Variants in GABRA2 observed in about 807,000 individuals in gnomAD.
GABRA2 encodes the protein gamma-aminobutyric acid type A receptor subunit alpha2, also known as gamma-aminobutyric acid receptor subunit alpha-2.
In GABRA2, 16 loss-of-function variants were observed where a neutral mutation model predicts 48.7. The observed-to-expected ratio is 0.33, with a 90% confidence interval of 0.22 to 0.50. The LOEUF is 0.50. GABRA2 is among the 20% of genes least tolerant of loss of function. The pLI is 0.98. For synonymous variants in GABRA2, 185 were observed against 184.5 expected (o/e 1.00, Z -0.02); for missense variants, 275 against 535.6 (o/e 0.51, Z 4.80).
At position 46,389,805 on chromosome 4, in the gene GABRA2, G is replaced by A. The variant is rs201510097; in HGVS notation, c.-81C>T. On this transcript the variant is annotated 5_prime_UTR_variant, in exon 1 of 10. Transcript: ENST00000381620. Reference sequence around the variant, plus strand: ...TCTTGACGAGATAGGAAACTTGGGAGAGAGAGAGAGAGAGAGAGAGAGAGA... The same window carrying A: ...TCTTGACGAGATAGGAAACTTGGGAAAGAGAGAGAGAGAGAGAGAGAGAGA... The A allele has an allele frequency of 4.5e-6, 1 of 220,830 alleles. No individual in the cohort carries two copies. The highest frequency in any genetic ancestry group is 1.3e-4 in the African/African-American group (1 of 7,618). 13.7% of individuals were successfully genotyped at this position (220,830 alleles called of 1,614,324 possible). A position where few individuals can be genotyped will look rare whatever the true frequency, so the allele number is the denominator to read the frequency against.
At chr4:46,270,783 A>G (rs1425435607) in intron 8 of GABRA2, among the ~76,000 whole-genome samples, 1 of 151,976 alleles carries the variant, frequency 6.6e-6, no homozygotes, top group African/African-American at 2.4e-5. Context: ...TTAACTCATA[A>G]TAGCTGAGCA....
At position 46,373,025 on chromosome 4, in the gene GABRA2, G is replaced by A. The variant is rs535913494; in HGVS notation, c.187+13049C>T. On this transcript the variant is annotated intron_variant, in intron 3 of 9. Coordinates refer to ENST00000381620, the MANE Select transcript of GABRA2 (RefSeq NM_000807.4). ...CTGTTCCAATGAAGTGGCAACACAG[G>A]CAGAAATTGCAGCTGCCCCCTGGAA... 2.6e-5 allele frequency among the ~76,000 whole-genome samples: 4 copies of A among 152,272 alleles called. No individual in the cohort carries two copies. The East Asian group carries it at 7.7e-4, about 29-fold the overall frequency.
chr4:46,249,439 T>C lies in GABRA2; in HGVS notation c.*869A>G, dbSNP rs1191718068. 6.6e-6 allele frequency: 1 copy of C among 151,408 alleles called. No homozygotes were observed. The highest frequency in any genetic ancestry group is 6.6e-5 in the Admixed American group (1 of 15,116). The allele number at this position is 151,408 out of a possible 1,614,324, so 9.4% of individuals were successfully genotyped here. ...TTTGGCACAATTTTCTAATCCAATA[T>C]GCATGTTGCTCCACAGCAACCAAAC... On this transcript the variant is annotated 3_prime_UTR_variant, in exon 10 of 10. Transcript: ENST00000381620.
At chr4:46,292,264 C>T (rs530736876) in intron 8 of GABRA2, among the ~76,000 whole-genome samples, 9 of 152,230 alleles carry the variant, frequency 5.9e-5, no homozygotes, top group South Asian at 4.1e-4. Context: ...GCCTCAAATC[C>T]GCTAAGATTG....
intron 8 of GABRA2, among the ~76,000 whole-genome samples, chr4:46,300,630 A>G (rs951547970): frequency 1.3e-5 from 2 of 151,934 alleles, no homozygotes; most frequent in African/African-American, 2.4e-5. Flanking sequence ...GAACATCAAA[A>G]TACACATAAC....
At chr4:46,339,030 C>A (rs944500469) in intron 3 of GABRA2, among the ~76,000 whole-genome samples, 1 of 151,806 alleles carries the variant, frequency 6.6e-6, no homozygotes, top group African/African-American at 2.4e-5. Context: ...GTTCCCAACA[C>A]AATGGAATAT....
At chr4:46,319,924 A>T (rs1283057979) in intron 4 of GABRA2, among the ~76,000 whole-genome samples, 4 of 151,800 alleles carry the variant, frequency 2.6e-5, no homozygotes, top group African/African-American at 4.8e-5. Flanking sequence ...ATGCAAAATT[A>T]TACCAATTTC....
intron 8 of GABRA2, among the ~76,000 whole-genome samples, chr4:46,267,113 G>A (rs1331760695): frequency 1.3e-5 from 2 of 151,910 alleles, no homozygotes; most frequent in Admixed American, 6.6e-5. Flanking sequence ...TGTACAACAG[G>A]TCTCACAGAC....
chr4:46,306,029 C>T (rs1726630009), intron 6 of GABRA2, among the ~76,000 whole-genome samples: 1 of 151,760 alleles, frequency 6.6e-6, no homozygotes. Flanking sequence ...CCAAAGGTAG[C>T]ATATGAAGAC....
At position 46,261,924 on chromosome 4, in the gene GABRA2, AC is replaced by A; in HGVS notation, c.1059+1del. ...AATGATAACACGGAAGCTCTCACTT[AC>A]CTTGTCATTTACTACACTCTTCCCA... On this transcript the variant is annotated splice_donor_variant, in intron 9 of 9. Transcript: ENST00000381620. LOFTEE classifies it high-confidence loss of function. 1 of 1,611,532 alleles carries A rather than the reference AC, an allele frequency of 6.2e-7. No individual in the cohort carries two copies. Among genetic ancestry groups the A allele is most frequent in the Non-Finnish European group, 8.5e-7 (1 of 1,177,798 alleles).
intron 3 of GABRA2, among the ~76,000 whole-genome samples, chr4:46,377,158 C>A (rs1470862563): frequency 2.0e-5 from 3 of 152,048 alleles, no homozygotes; most frequent in Non-Finnish European, 2.9e-5. Context: ...GGCCGCCACC[C>A]CGTCTGGGAA....
intron 8 of GABRA2, among the ~76,000 whole-genome samples, chr4:46,292,234 G>A (rs1348351315): frequency 6.6e-6 from 1 of 152,138 alleles, no homozygotes; most frequent in East Asian, 1.9e-4. Flanking sequence ...CTAACTCCAG[G>A]CTTCACAAGC....
chr4:46,264,558 T>A (rs952164374), intron 8 of GABRA2, among the ~76,000 whole-genome samples: 4 of 152,078 alleles, frequency 2.6e-5, no homozygotes, highest in Non-Finnish European at 4.4e-5. Context: ...ATGTAATCCT[T>A]TTAAAATGTG....
chr4:46,255,448 T>TA (rs1441016355), intron 9 of GABRA2, among the ~76,000 whole-genome samples: 2 of 151,316 alleles, frequency 1.3e-5, no homozygotes, highest in South Asian at 2.1e-4. Context: ...AGGCTAAATT[T>TA]AAAAAAATCA....
intron 6 of GABRA2, among the ~76,000 whole-genome samples, chr4:46,309,183 T>C (rs1022394034): frequency 2.0e-5 from 3 of 152,132 alleles, no homozygotes; most frequent in Non-Finnish European, 2.9e-5. Flanking sequence ...ACAAACAAGA[T>C]TGCAGTTCTT....
intron 8 of GABRA2, among the ~76,000 whole-genome samples, chr4:46,291,911 T>G (rs748637783): frequency 2.0e-5 from 3 of 151,940 alleles, no homozygotes; most frequent in African/African-American, 4.8e-5. Flanking sequence ...ATATTAAGGA[T>G]GCAGTTCTTT....
At chr4:46,378,878 A>G (rs1578229679) in intron 3 of GABRA2, among the ~76,000 whole-genome samples, 1 of 152,152 alleles carries the variant, frequency 6.6e-6, no homozygotes, top group African/African-American at 2.4e-5. Context: ...CTTTACTGAC[A>G]TCACCTTGAA....
chr4:46,280,574 C>T (rs916679492), intron 8 of GABRA2, among the ~76,000 whole-genome samples: 1 of 152,100 alleles, frequency 6.6e-6, no homozygotes, highest in Non-Finnish European at 1.5e-5. Context: ...ATTGATCTGA[C>T]CTACATTTTG....
At chr4:46,268,568 A>T (rs1028971203) in intron 8 of GABRA2, among the ~76,000 whole-genome samples, 1 of 151,924 alleles carries the variant, frequency 6.6e-6, no homozygotes, top group Admixed American at 6.6e-5. Flanking sequence ...TGTATATTGC[A>T]CATTCTTGGT....
Sources: gnomAD v4.1 joint callset for allele counts (sites outside exome capture counted in the v4.1 genomes callset) on GRCh38, gnomAD v4.1.1 for gene constraint, MANE v1.5 for transcripts, NCBI Gene and HGNC (gene_info 2026-07-23, HGNC 2026-07-21) for gene names.